CARMIL1: variants seen among roughly 807,000 people sequenced by gnomAD.
CARMIL1 encodes the protein capping protein regulator and myosin 1 linker 1, also known as F-actin-uncapping protein LRRC16A.
A neutral mutation model predicts 177.1 loss-of-function variants in CARMIL1; 90 were observed. The observed-to-expected ratio is 0.51, with a 90% confidence interval of 0.43 to 0.61. CARMIL1 has a LOEUF of 0.61. Among genes scored for constraint, CARMIL1 ranks in the 20% least tolerant of loss-of-function variants. The probability of loss-of-function intolerance (pLI) is 0.00; values close to 1 mark genes in which losing one functional copy is unlikely to be tolerated. For synonymous variants in CARMIL1, 577 were observed against 606.2 expected, an observed-to-expected ratio of 0.95 and a Z score of 0.71; for missense variants, 1,380 against 1,667.0, an observed-to-expected ratio of 0.83 and a Z score of 3.00.
intron 23 of CARMIL1, among the ~76,000 whole-genome samples, chr6:25,525,015 T>C (rs897317091): frequency 7.2e-5 from 11 of 151,940 alleles, no homozygotes; most frequent in African/African-American, 2.4e-4. Context: ...TTGCTACTAA[T>C]GGGAATACCA....
At chr6:25,383,695 A>C (rs185627707) in intron 2 of CARMIL1, 2 of 152,220 alleles carry the variant, frequency 1.3e-5, no homozygotes, top group African/African-American at 4.8e-5. Context: ...GAAATGTTTC[A>C]TATTTTTTAA....
chr6:25,401,144 T>A (rs114622168), intron 2 of CARMIL1, among the ~76,000 whole-genome samples: 1,741 of 152,284 alleles, frequency 0.011, 25 homozygotes, highest in African/African-American at 0.037. Flanking sequence ...TATACAGTTT[T>A]GAATTATTTT....
intron 17 of CARMIL1, among the ~76,000 whole-genome samples, chr6:25,503,233 T>G (rs2151027845): frequency 6.6e-6 from 1 of 152,340 alleles, no homozygotes; most frequent in South Asian, 2.1e-4. Context: ...TGGGGAAGTC[T>G]TGAAAGTATT....
chr6:25,563,326 A>G lies in CARMIL1; in HGVS notation c.2742+6476A>G. ...AAAAGATCAAATCCCTTTGGGATGAAAGGTTTCCTCTTTAATTTCTGAGTT... is the reference window on the plus strand; with the variant it reads ...AAAAGATCAAATCCCTTTGGGATGAGAGGTTTCCTCTTTAATTTCTGAGTT... On this transcript the variant is annotated intron_variant, in intron 29 of 36. Coordinates refer to ENST00000329474, the MANE Select transcript of CARMIL1 (RefSeq NM_017640.6). 3.0e-6 allele frequency: 3 copies of G among 985,406 alleles called. No individual in the cohort carries two copies. The African/African-American group carries it at 5.2e-5, about 17-fold the overall frequency. The allele number at this position is 985,406 out of a possible 1,614,324, so 61.0% of individuals were successfully genotyped here. A position where few individuals can be genotyped will look rare whatever the true frequency, so the allele number is the denominator to read the frequency against.
chr6:25,420,442 C>A, intron 3 of CARMIL1: 1 of 347,212 alleles, frequency 2.9e-6, no homozygotes, highest in Non-Finnish European at 5.3e-6. Flanking sequence ...AAAGGCATCC[C>A]AAGAAAATCA....
chr6:25,360,964 T>C (rs1789135102), intron 2 of CARMIL1, among the ~76,000 whole-genome samples: 2 of 152,202 alleles, frequency 1.3e-5, no homozygotes, highest in South Asian at 4.1e-4. Flanking sequence ...AAACCCATTT[T>C]GTTTTCAAAC....
chr6:25,581,149 AG>A, intron 30 of CARMIL1, 93 bp from the exon 31 acceptor site: 1 of 1,333,836 alleles, frequency 7.5e-7, no homozygotes, highest in Admixed American at 2.3e-5. Flanking sequence ...ATTCTATGCT[AG>A]ACTTAAAATT....
intron 2 of CARMIL1, among the ~76,000 whole-genome samples, chr6:25,295,835 C>T (rs1782332779): frequency 6.6e-6 from 1 of 152,170 alleles, no homozygotes; most frequent in African/African-American, 2.4e-5. Context: ...GCAGAATCAG[C>T]CATAGCTTTT....
chr6:25,586,820 G>C (rs1056778536), intron 31 of CARMIL1, among the ~76,000 whole-genome samples: 1 of 152,010 alleles, frequency 6.6e-6, no homozygotes, highest in Admixed American at 6.5e-5. Context: ...CAGGCGTGGC[G>C]GCGCGCGCCT....
intron 20 of CARMIL1, among the ~76,000 whole-genome samples, chr6:25,511,536 C>T (rs1453148522): frequency 6.6e-6 from 1 of 152,118 alleles, no homozygotes; most frequent in Non-Finnish European, 1.5e-5. Context: ...TGTATTCCTA[C>T]TATGAAGAGT....
Position 25,577,449 on chromosome 6 carries a change from AT to A in CARMIL1, c.2743-3465del, listed in dbSNP as rs944364557. Among the ~76,000 whole-genome samples, 29 of 148,680 alleles carry A rather than the reference AT, an allele frequency of 2.0e-4. No individual in the cohort carries two copies. The highest frequency in any genetic ancestry group is 3.0e-4 in the Non-Finnish European group (20 of 66,918). ...AATCTTCTTCTCAGCTGGTATTGTT[AT>A]TTTTTTTTTCTTTCTACAGCCTTGG... On this transcript the variant is annotated intron_variant, in intron 29 of 36. Coordinates refer to ENST00000329474, the MANE Select transcript of CARMIL1 (RefSeq NM_017640.6). This position sits in a 1 kb window ranked among gnomAD's most constrained non-coding sequence, Gnocchi z 4.5.
At chr6:25,556,932 T>C (rs1478697357) in intron 29 of CARMIL1, 82 bp downstream of exon 29, 3 of 1,373,556 alleles carry the variant, frequency 2.2e-6, no homozygotes, top group Non-Finnish European at 3.0e-6. Flanking sequence ...AAATCTCACC[T>C]TTTGAAATCA....
At chr6:25,402,159 C>CA (rs1477597827) in intron 2 of CARMIL1, among the ~76,000 whole-genome samples, 1 of 151,712 alleles carries the variant, frequency 6.6e-6, no homozygotes, top group Non-Finnish European at 1.5e-5. Flanking sequence ...CCCTTTCATT[C>CA]ATGGTGATCT....
chr6:25,388,851 A>AT (rs937477622), intron 2 of CARMIL1, among the ~76,000 whole-genome samples: 19 of 151,040 alleles, frequency 1.3e-4, no homozygotes, highest in African/African-American at 4.6e-4. Context: ...CATTTTTACA[A>AT]TTTTTTTGTA....
chr6:25,406,233 T>G (rs1794355309), intron 2 of CARMIL1, among the ~76,000 whole-genome samples: 1 of 152,142 alleles, frequency 6.6e-6, no homozygotes, highest in Non-Finnish European at 1.5e-5. Flanking sequence ...GGGAAGTCCT[T>G]TACCTGAAGA....
intron 2 of CARMIL1, among the ~76,000 whole-genome samples, chr6:25,296,544 C>T (rs529831716): frequency 1.4e-4 from 22 of 152,292 alleles, no homozygotes; most frequent in African/African-American, 4.1e-4. Flanking sequence ...AAAATCAAGA[C>T]GCCCAGATGC....
intron 24 of CARMIL1, among the ~76,000 whole-genome samples, chr6:25,529,755 CAAAAAAAAAAAAAA>C (rs70977217): frequency 0.012 from 407 of 33,578 alleles, 6 homozygotes; most frequent in African/African-American, 0.034. Flanking sequence ...ACTCCGTCTC[CAAAAAAAAAAAAAA>C]AAAAAAAAAA....
chr6:25,283,893 T>A (rs1017995078), intron 1 of CARMIL1, among the ~76,000 whole-genome samples: 1 of 151,724 alleles, frequency 6.6e-6, no homozygotes, highest in Non-Finnish European at 1.5e-5. Flanking sequence ...TTTTTTTGTA[T>A]TTTTAGTAGA....
chr6:25,553,812 T>C (rs1368502236), intron 27 of CARMIL1, among the ~76,000 whole-genome samples, 197 bp from the exon 28 acceptor site: 1 of 152,198 alleles, frequency 6.6e-6, no homozygotes, highest in East Asian at 1.9e-4. Context: ...GTAAAGAAAG[T>C]CTATTACTTG....
Sources: gnomAD v4.1 joint callset for allele counts (sites outside exome capture counted in the v4.1 genomes callset) on GRCh38, gnomAD v4.1.1 for gene constraint, Gnocchi (gnomAD v3.1) non-coding constraint, MANE v1.5 for transcripts, NCBI Gene and HGNC (gene_info 2026-07-23, HGNC 2026-07-21) for gene names.